The following SYNDIG1 variants were observed in gnomAD, a reference collection of about 807,000 sequenced individuals.
The protein encoded by SYNDIG1 is synapse differentiation-inducing gene protein 1.
A neutral mutation model predicts 19.4 loss-of-function variants in SYNDIG1; 9 were observed. That is an observed-to-expected ratio of 0.46 (90% CI 0.28 to 0.81). The LOEUF (loss-of-function observed/expected upper bound fraction) is 0.81. Among genes scored for constraint, SYNDIG1 ranks in the 30% least tolerant of loss-of-function variants. The pLI, the probability that SYNDIG1 is intolerant of heterozygous loss-of-function variation, is 0.12. For missense variants in SYNDIG1, 311 were observed against 343.3 expected (o/e 0.91, Z 0.74); for synonymous variants, 141 against 145.9 (o/e 0.97, Z 0.24).
intron 3 of SYNDIG1, among the ~76,000 whole-genome samples, chr20:24,608,247 G>A (rs900798635): frequency 3.3e-5 from 5 of 150,896 alleles, no homozygotes; most frequent in African/African-American, 7.3e-5. Context: ...GTGCAGTAGC[G>A]CAATCTCAGC....
At chr20:24,505,460 C>G (rs1299107703) in intron 1 of SYNDIG1, among the ~76,000 whole-genome samples, 1 of 152,158 alleles carries the variant, frequency 6.6e-6, no homozygotes, top group Non-Finnish European at 1.5e-5. Context: ...GATCTGCCCC[C>G]CTTACTCAAC....
intron 1 of SYNDIG1, among the ~76,000 whole-genome samples, chr20:24,499,997 G>A (rs555139516): frequency 1.8e-4 from 27 of 152,168 alleles, no homozygotes; most frequent in African/African-American, 5.8e-4. Context: ...TCATCTCCCC[G>A]GATTTAGTGA....
intron 3 of SYNDIG1, 34 bp downstream of exon 3, chr20:24,585,027 C>A: frequency 1.5e-6 from 2 of 1,370,746 alleles, no homozygotes; most frequent in Admixed American, 2.3e-5. Context: ...ACGTGGTGTG[C>A]AGGTGTTCAC....
intron 3 of SYNDIG1, among the ~76,000 whole-genome samples, chr20:24,663,930 G>T (rs1321847257): frequency 6.6e-6 from 1 of 152,242 alleles, no homozygotes; most frequent in Non-Finnish European, 1.5e-5. Flanking sequence ...GAGCACTGCT[G>T]CATGAAACAG....
chr20:24,492,761 T>C (rs1013741257), intron 1 of SYNDIG1, among the ~76,000 whole-genome samples: 1 of 152,198 alleles, frequency 6.6e-6, no homozygotes, highest in Admixed American at 6.6e-5. Flanking sequence ...CCCATCCCCC[T>C]TTCTCCATCT....
intron 1 of SYNDIG1, among the ~76,000 whole-genome samples, chr20:24,519,541 C>G (rs1232783399): frequency 6.6e-6 from 1 of 152,170 alleles, no homozygotes; most frequent in African/African-American, 2.4e-5. Flanking sequence ...TCTGGGTTCA[C>G]TTCTGTGAAC....
chr20:24,501,098 T>G (rs2146380259), intron 1 of SYNDIG1, among the ~76,000 whole-genome samples: 1 of 152,352 alleles, frequency 6.6e-6, no homozygotes, highest in East Asian at 1.9e-4. Context: ...TCTACCTATC[T>G]ATCTACTTAT....
intron 3 of SYNDIG1, among the ~76,000 whole-genome samples, chr20:24,654,935 T>C (rs2059510072): frequency 6.6e-6 from 1 of 152,224 alleles, no homozygotes; most frequent in South Asian, 2.1e-4. Flanking sequence ...TTTTCCCAAC[T>C]GTCAGTCAAA....
At chr20:24,497,621 A>G (rs1009642535) in intron 1 of SYNDIG1, among the ~76,000 whole-genome samples, 1 of 152,232 alleles carries the variant, frequency 6.6e-6, no homozygotes, top group Admixed American at 6.5e-5. Flanking sequence ...TGCCCATGCC[A>G]TACAGAGGGG....
intron 2 of SYNDIG1, among the ~76,000 whole-genome samples, chr20:24,544,355 T>C (rs2057532881): frequency 6.6e-6 from 1 of 152,148 alleles, no homozygotes; most frequent in South Asian, 2.1e-4. Flanking sequence ...AGGGGTGTTT[T>C]CCCAGGACGC....
At chr20:24,544,557 A>C (rs2057537472) in intron 2 of SYNDIG1, among the ~76,000 whole-genome samples, 1 of 152,184 alleles carries the variant, frequency 6.6e-6, no homozygotes, top group African/African-American at 2.4e-5. Context: ...CGTGGCCAGC[A>C]GCTGGGGAGT....
chr20:24,616,544 G>A (rs1348106959), intron 3 of SYNDIG1, among the ~76,000 whole-genome samples: 2 of 152,234 alleles, frequency 1.3e-5, no homozygotes, highest in Admixed American at 1.3e-4. Flanking sequence ...AGCCACCTCA[G>A]GGCCCAGGTT....
chr20:24,497,542 G>A (rs1178294891), intron 1 of SYNDIG1, among the ~76,000 whole-genome samples: 2 of 152,172 alleles, frequency 1.3e-5, no homozygotes, highest in Admixed American at 6.5e-5. Context: ...AATCACAAAT[G>A]GGCTTCTTAG....
intron 1 of SYNDIG1, among the ~76,000 whole-genome samples, chr20:24,518,973 C>A (rs1472827316): frequency 6.6e-6 from 1 of 152,174 alleles, no homozygotes; most frequent in East Asian, 1.9e-4. Context: ...GGTTTCTTGA[C>A]CTTGCTAGGG....
intron 1 of SYNDIG1, among the ~76,000 whole-genome samples, chr20:24,538,691 CGA>C (rs1330546307): frequency 2.2e-4 from 33 of 152,084 alleles, no homozygotes; most frequent in African/African-American, 8.0e-4. Context: ...TTTTCCAAAG[CGA>C]CTGCACTGTT....
chr20:24,504,116 C>T (rs917962457), intron 1 of SYNDIG1, among the ~76,000 whole-genome samples: 3 of 152,114 alleles, frequency 2.0e-5, no homozygotes, highest in African/African-American at 7.2e-5. Flanking sequence ...CCTGCCACCA[C>T]GCCGACTAAT....
At chr20:24,608,668 G>C (rs2058800112) in intron 3 of SYNDIG1, among the ~76,000 whole-genome samples, 1 of 152,172 alleles carries the variant, frequency 6.6e-6, no homozygotes, top group Non-Finnish European at 1.5e-5. Context: ...ATTAAAAGGT[G>C]ACTGAAACTA....
intron 3 of SYNDIG1, among the ~76,000 whole-genome samples, chr20:24,633,965 C>T (rs914421754): frequency 3.9e-5 from 6 of 152,210 alleles, no homozygotes; most frequent in Admixed American, 6.5e-5. Context: ...GGGTTCCCTT[C>T]GTTATCAGCA....
chr20:24,579,779 G>A (rs984456057), intron 2 of SYNDIG1, among the ~76,000 whole-genome samples: 2 of 152,160 alleles, frequency 1.3e-5, no homozygotes, highest in East Asian at 1.9e-4. Flanking sequence ...CACCAGAGTC[G>A]GTGAGCACAG....
Sources: allele counts gnomAD v4.1 joint callset (sites outside exome capture counted in the v4.1 genomes callset), GRCh38; gene constraint gnomAD v4.1.1; transcripts MANE v1.5; gene names NCBI Gene and HGNC (gene_info 2026-07-23, HGNC 2026-07-21).